The following ITGB3 variants were observed in gnomAD, a reference collection of about 807,000 sequenced individuals.
ITGB3 encodes the protein integrin beta-3.
In ITGB3, 48 loss-of-function variants were observed where a neutral mutation model predicts 85.8. The ratio of observed to expected loss-of-function variants is 0.56; its 90% CI spans 0.44 to 0.71. The LOEUF (loss-of-function observed/expected upper bound fraction) is 0.71, where lower values mean the gene tolerates loss of function less well. ITGB3 is among the 30% of genes least tolerant of loss of function. The probability of loss-of-function intolerance (pLI) is 0.00; values close to 1 mark genes in which losing one functional copy is unlikely to be tolerated. For missense variants in ITGB3, 861 were observed against 1,019.1 expected, an observed-to-expected ratio of 0.84 and a Z score of 2.11; for synonymous variants, 363 against 395.6, an observed-to-expected ratio of 0.92 and a Z score of 0.98.
Position 47,292,434 on chromosome 17 carries a change from C to T in ITGB3, c.1556C>T (p.Pro519Leu). 1 of 1,609,752 alleles carries T rather than the reference C, an allele frequency of 6.2e-7. No homozygotes were observed. The highest frequency in any genetic ancestry group is 8.5e-7 in the Non-Finnish European group (1 of 1,176,528). ...QDECSPREGQ[P>L]VCSQRGECLC... is the part of the protein sequence containing the mutation. ...GAATGCAGCCCCCGGGAGGGTCAGC[C>T]CGTCTGCAGCCAGCGGGGCGAGTGC... is the stretch of plus-strand genomic sequence containing the variant. The change falls in exon 10 of 15, where the codon CCC becomes CTC. Residue 519 changes from proline to leucine, a missense_variant. Pro to Leu is a moderately conservative substitution (Grantham distance 98). Coordinates refer to ENST00000559488, the MANE Select transcript of ITGB3 (RefSeq NM_000212.3).
chr17:47,255,965 G>GC lies in ITGB3; in HGVS notation c.79+2025_79+2026insC, dbSNP rs1567757586. Among the ~76,000 whole-genome samples the GC allele has an allele frequency of 3.1e-5, 4 of 128,476 alleles. No individual in the cohort carries two copies. In the East Asian group the frequency reaches 1.2e-3, roughly 39 times the overall value. 84.3% of individuals were successfully genotyped at this position (128,476 alleles called of 152,430 possible). A position where few individuals can be genotyped will look rare whatever the true frequency, so the allele number is the denominator to read the frequency against. On this transcript the variant is annotated intron_variant, in intron 1 of 14. Transcript: ENST00000559488. ...TGGAGAAATCCACCAGGGCAACTCAGTAAAAATAAATAAATAAATAAATAA... is the reference window on the plus strand; with the variant it reads ...TGGAGAAATCCACCAGGGCAACTCAGCTAAAAATAAATAAATAAATAAATAA...
chr17:47,256,691 G>A (rs907934578), intron 1 of ITGB3, among the ~76,000 whole-genome samples: 26 of 152,282 alleles, frequency 1.7e-4, no homozygotes, highest in African/African-American at 5.8e-4. Flanking sequence ...AAGAGAGATT[G>A]ACTGAGGATA....
intron 2 of ITGB3, 123 bp from the exon 3 acceptor site, chr17:47,283,231 A>G (rs1184036830): frequency 2.1e-6 from 2 of 942,406 alleles, no homozygotes; most frequent in African/African-American, 1.6e-5. Flanking sequence ...GACCACAACA[A>G]TTTGTTTATG....
chr17:47,284,807 T>C, intron 4 of ITGB3, 112 bp downstream of exon 4: 5 of 1,411,664 alleles, frequency 3.5e-6, no homozygotes, highest in Non-Finnish European at 5.0e-6. Flanking sequence ...CTTGCCAAAC[T>C]ATAGCTCCTT....
rs2143130639 is a variant in ITGB3, at chr17:47,299,607, A to G, written c.1913+77A>G. The G allele has an allele frequency of 7.4e-7, 1 of 1,346,574 alleles. No individual in the cohort carries two copies. The highest frequency in any genetic ancestry group is 1.0e-6 in the Non-Finnish European group (1 of 955,290). 83.4% of individuals were successfully genotyped at this position (1,346,574 alleles called of 1,614,324 possible). A position where few individuals can be genotyped will look rare whatever the true frequency, so the allele number is the denominator to read the frequency against. ...CCCTGACTAGAATCCCCAGCTCTCCAGGTGTGTTTCTTGCTCACCAGAGCC... is the reference window on the plus strand; with the variant it reads ...CCCTGACTAGAATCCCCAGCTCTCCGGGTGTGTTTCTTGCTCACCAGAGCC... On this transcript the variant is annotated intron_variant, in intron 11 of 14. Coordinates refer to ENST00000559488, the MANE Select transcript of ITGB3 (RefSeq NM_000212.3). The surrounding 1 kb of genome is among the most constrained non-coding windows in gnomAD (Gnocchi z 5.1).
chr17:47,262,264 G>A (rs185696474), intron 1 of ITGB3, among the ~76,000 whole-genome samples: 45 of 152,316 alleles, frequency 3.0e-4, no homozygotes, highest in Admixed American at 7.8e-4. Context: ...GGGGAGGAAG[G>A]CTGCAGAACT....
intron 6 of ITGB3, among the ~76,000 whole-genome samples, chr17:47,289,480 A>G (rs924608800): frequency 1.3e-5 from 2 of 151,938 alleles, no homozygotes; most frequent in African/African-American, 4.8e-5. Context: ...TTACCACCAC[A>G]TCTGGCAAAT....
chr17:47,301,381 C>T (rs1024088299), intron 12 of ITGB3, among the ~76,000 whole-genome samples: 4 of 152,178 alleles, frequency 2.6e-5, no homozygotes, highest in African/African-American at 7.2e-5. Flanking sequence ...AGCCAGTCAG[C>T]TTCCTGGTGG....
chr17:47,307,615 G>A lies in ITGB3; in HGVS notation c.2279G>A (p.Arg760His), dbSNP rs774678642. 8.1e-6 allele frequency: 13 copies of A among 1,614,092 alleles called. No homozygotes were observed. Among genetic ancestry groups the A allele is most frequent in the Admixed American group, 5.0e-5 (3 of 60,000 alleles). ...GAATTCGCTAAATTTGAGGAAGAAC[G>A]CGCCAGAGCAAAATGGGACACAGTA... ...RKEFAKFEEE[R>H]ARAKWDTANN... The change falls in exon 14 of 15, where the codon CGC (arginine) becomes CAC (histidine). Residue 760 changes from arginine to histidine, a missense_variant. Transcript: ENST00000559488.
In ITGB3 at chr17:47,300,491, T is replaced by C; in HGVS notation, c.1927T>C (p.Cys643Arg). 2 of 1,613,594 alleles carry C rather than the reference T, an allele frequency of 1.2e-6. No individual in the cohort carries two copies. Among genetic ancestry groups the C allele is most frequent in the East Asian group, 2.2e-5 (1 of 44,872 alleles). ...TCTCTCCTTCAGAGAATGTGTGGAG[T>C]GTAAGAAGTTTGACCGGGGAGCCCT... ...ACTFKKECVECKKFDRGALHD... is the reference protein window; with the variant it reads ...ACTFKKECVERKKFDRGALHD... The change falls in exon 12 of 15, where the codon TGT becomes CGT. Residue 643 changes from cysteine (C) to arginine (R), a missense_variant. Coordinates refer to ENST00000559488, the MANE Select transcript of ITGB3 (RefSeq NM_000212.3).
In ITGB3 at chr17:47,292,236, T is replaced by C; in HGVS notation, c.1358T>C (p.Val453Ala). 6.2e-7 allele frequency: 1 copy of C among 1,614,202 alleles called. No individual in the cohort carries two copies. The highest frequency in any genetic ancestry group is 8.5e-7 in the Non-Finnish European group (1 of 1,180,026). ...GTGGGCTTCAAGGACAGCCTGATCGTCCAGGTCACCTTTGATTGTGACTGT... is the reference window on the plus strand; with the variant it reads ...GTGGGCTTCAAGGACAGCCTGATCGCCCAGGTCACCTTTGATTGTGACTGT... ...KPVGFKDSLI[V>A]QVTFDCDCAC... is the part of the protein sequence containing the mutation. Residue 453 changes from valine (V) to alanine (A), a missense_variant, in exon 10 of 15, where the codon GTC (valine) becomes GCC (alanine). Physicochemically the swap from Val to Ala is moderately conservative, Grantham distance 64. Transcript: ENST00000559488.
chr17:47,296,478 T>C (rs7223956), intron 10 of ITGB3, among the ~76,000 whole-genome samples: 131,209 of 152,214 alleles, frequency 0.86, 56,660 homozygotes, highest in East Asian at 0.99. Context: ...AAGTGATCAA[T>C]CTGCCTCGGC....
intron 13 of ITGB3, among the ~76,000 whole-genome samples, chr17:47,306,613 A>G (rs2143147656): frequency 6.6e-6 from 1 of 152,278 alleles, no homozygotes; most frequent in Admixed American, 6.5e-5. Flanking sequence ...ATGAAATTTT[A>G]GGGGGAGAAT....
chr17:47,304,597 GTTTT>G (rs2065180343), intron 13 of ITGB3, among the ~76,000 whole-genome samples: 2 of 148,410 alleles, frequency 1.3e-5, no homozygotes, highest in Admixed American at 1.3e-4. Flanking sequence ...TTTTTGTTTT[GTTTT>G]TGTTTTTGTT....
intron 12 of ITGB3, 134 bp from the exon 13 acceptor site, chr17:47,302,587 T>C (rs1175130288): frequency 1.9e-6 from 2 of 1,038,602 alleles, no homozygotes; most frequent in Non-Finnish European, 2.9e-6. Context: ...CCACCTTGAA[T>C]CTAGGCATCG....
At chr17:47,304,725 A>G (rs1293175442) in intron 13 of ITGB3, among the ~76,000 whole-genome samples, 1 of 152,092 alleles carries the variant, frequency 6.6e-6, no homozygotes, top group Non-Finnish European at 1.5e-5. Context: ...CTCCTGCCTC[A>G]GCCTCCTGAG....
chr17:47,303,917 G>C (rs773327134), intron 13 of ITGB3: 9 of 151,812 alleles, frequency 5.9e-5, no homozygotes, highest in Non-Finnish European at 1.2e-4. Flanking sequence ...TTTGAGATAG[G>C]GTCTCATTTT....
intron 9 of ITGB3, 116 bp from the exon 10 acceptor site, chr17:47,292,022 TA>T: frequency 9.7e-7 from 1 of 1,032,310 alleles, no homozygotes; most frequent in Non-Finnish European, 1.5e-6. Context: ...TGCAAAAGCA[TA>T]AGACACCCAA....
At chr17:47,288,211 A>AGAGAGAGAGG (rs1185525090) in intron 6 of ITGB3, among the ~76,000 whole-genome samples, 197 of 117,262 alleles carry the variant, frequency 1.7e-3, no homozygotes, top group South Asian at 0.013. Context: ...TTAGAAAGAG[A>AGAGAGAGAGG]GAGAGAGAGA....
Sources: allele counts gnomAD v4.1 joint callset (sites outside exome capture counted in the v4.1 genomes callset), GRCh38; gene constraint gnomAD v4.1.1; non-coding constraint Gnocchi (gnomAD v3.1); transcripts MANE v1.5; gene names NCBI Gene and HGNC (gene_info 2026-07-23, HGNC 2026-07-21).